SEMA5A: variants seen among roughly 807,000 people sequenced by gnomAD.
SEMA5A encodes the protein semaphorin 5A, also known as semaphorin-5A.
In SEMA5A, 55 loss-of-function variants were observed where a neutral mutation model predicts 135.5. That is an observed-to-expected ratio of 0.41 (90% confidence interval 0.33 to 0.51). The LOEUF is 0.51. Among genes scored for constraint, SEMA5A ranks in the 20% least tolerant of loss-of-function variants. The pLI is 0.37. For synonymous variants in SEMA5A, 580 were observed against 546.5 expected (o/e 1.06, Z -0.85); for missense variants, 1,290 against 1,419.9 (o/e 0.91, Z 1.47).
Position 9,337,707 on chromosome 5 carries a change from T to A in SEMA5A, c.224+6A>T. The A allele has an allele frequency of 6.3e-7, 1 of 1,597,798 alleles. No individual in the cohort carries two copies. The highest frequency in any genetic ancestry group is 1.1e-5 in the South Asian group (1 of 89,868). On this transcript the variant is annotated splice_donor_region_variant and intron_variant, in intron 4 of 22. Transcript: ENST00000382496. ...ATCTGTGGTGGCAAAATACAATATCTCTCACCTTGCTCCTACAACAAGTTC... is the reference window on the plus strand; with the variant it reads ...ATCTGTGGTGGCAAAATACAATATCACTCACCTTGCTCCTACAACAAGTTC...
chr5:9,081,611 T>C (rs1738389337), intron 16 of SEMA5A, among the ~76,000 whole-genome samples: 3 of 152,178 alleles, frequency 2.0e-5, no homozygotes, highest in Admixed American at 6.5e-5. Context: ...TAATGGTACA[T>C]AGGCAATTTG....
intron 5 of SEMA5A, among the ~76,000 whole-genome samples, chr5:9,250,200 G>T (rs1024191473): frequency 1.8e-4 from 28 of 152,122 alleles, no homozygotes; most frequent in African/African-American, 6.5e-4. Flanking sequence ...AATTAGCAGG[G>T]ACAATAGGGA....
chr5:9,043,266 G>A (rs902054883), intron 22 of SEMA5A: 17 of 354,998 alleles, frequency 4.8e-5, no homozygotes, highest in Non-Finnish European at 6.6e-5. Context: ...AAGTTACCAC[G>A]AGAAGCAGGA....
chr5:9,352,278 A>G (rs1180695139), intron 3 of SEMA5A, among the ~76,000 whole-genome samples: 5 of 152,040 alleles, frequency 3.3e-5, no homozygotes, highest in Admixed American at 1.3e-4. Flanking sequence ...AGGCCACCAG[A>G]CACTACCAAT....
intron 5 of SEMA5A, among the ~76,000 whole-genome samples, chr5:9,244,738 G>A (rs962111022): frequency 1.3e-5 from 2 of 152,166 alleles, no homozygotes; most frequent in African/African-American, 2.4e-5. Flanking sequence ...CTTGGAAGTC[G>A]CTCAGGTGTC....
intron 2 of SEMA5A, among the ~76,000 whole-genome samples, chr5:9,400,568 G>A (rs1235015659): frequency 3.9e-5 from 2 of 51,458 alleles, no homozygotes; most frequent in Non-Finnish European, 7.5e-5. Flanking sequence ...GTGCAGTGGC[G>A]GGATCTCGGC....
rs78924742 is a variant in SEMA5A, at chr5:9,147,588, G to A, written c.1481+6900C>T. Reference sequence around the variant, plus strand: ...TCCTGCCCAATGTCTTTTTCTTAATGGTCCATCTTTCCCTCTAGTCTTATA... The same window carrying A: ...TCCTGCCCAATGTCTTTTTCTTAATAGTCCATCTTTCCCTCTAGTCTTATA... On this transcript the variant is annotated intron_variant, in intron 12 of 22. Coordinates refer to ENST00000382496, the MANE Select transcript of SEMA5A (RefSeq NM_003966.3). 4.6e-4 allele frequency among the ~76,000 whole-genome samples: 70 copies of A among 152,100 alleles called. No individual in the cohort carries two copies. The East Asian group carries it at 0.013, about 28-fold the overall frequency.
intron 16 of SEMA5A, among the ~76,000 whole-genome samples, chr5:9,087,002 G>A (rs1008296913): frequency 6.6e-6 from 1 of 151,926 alleles, no homozygotes; most frequent in African/African-American, 2.4e-5. Context: ...CTTTCTCTGT[G>A]CCCACTTCTG....
intron 2 of SEMA5A, among the ~76,000 whole-genome samples, chr5:9,399,905 G>A (rs960171897): frequency 1.3e-5 from 2 of 152,054 alleles, no homozygotes; most frequent in African/African-American, 4.8e-5. Context: ...TGACATAGAT[G>A]GTGAAGGGGG....
chr5:9,387,709 A>T (rs2126515657), intron 2 of SEMA5A, among the ~76,000 whole-genome samples: 1 of 152,366 alleles, frequency 6.6e-6, no homozygotes, highest in South Asian at 2.1e-4. Flanking sequence ...TAAATGAAGA[A>T]TCAATAAAAC....
intron 9 of SEMA5A, among the ~76,000 whole-genome samples, chr5:9,200,726 A>C (rs967139349): frequency 6.6e-6 from 1 of 152,226 alleles, no homozygotes; most frequent in Non-Finnish European, 1.5e-5. Context: ...AAATACTAAC[A>C]CAAGTTAAGC....
intron 8 of SEMA5A, among the ~76,000 whole-genome samples, chr5:9,209,741 G>A (rs1746241243): frequency 6.6e-6 from 1 of 152,126 alleles, no homozygotes; most frequent in Non-Finnish European, 1.5e-5. Flanking sequence ...CCCAATATGT[G>A]GCAGTGAGTG....
rs59096330 is a variant in SEMA5A at position 9,310,802 on chromosome 5, C to CATAT, written c.270+7566_270+7569dup. Among the ~76,000 whole-genome samples the CATAT allele has an allele frequency of 7.2e-3, 1,056 of 146,032 alleles. 20 individuals are homozygous for CATAT. The highest frequency in any genetic ancestry group is 0.059 in the East Asian group (298 of 5,016). ...TAAAGATTCATAGTTTGCATATATACATATATATATATATGAACACACATA... is the reference window on the plus strand; with the variant it reads ...TAAAGATTCATAGTTTGCATATATACATATATATATATATATATGAACACACATA... On this transcript the variant is annotated intron_variant, in intron 5 of 22. Coordinates refer to ENST00000382496, the MANE Select transcript of SEMA5A (RefSeq NM_003966.3).
At chr5:9,439,262 T>G (rs1231452438) in intron 1 of SEMA5A, among the ~76,000 whole-genome samples, 1 of 152,220 alleles carries the variant, frequency 6.6e-6, no homozygotes, top group Admixed American at 6.5e-5. Context: ...GGCCAATTTC[T>G]TTTACACAAC....
At chr5:9,089,486 T>C (rs1310302158) in intron 16 of SEMA5A, among the ~76,000 whole-genome samples, 1 of 151,920 alleles carries the variant, frequency 6.6e-6, no homozygotes, top group Non-Finnish European at 1.5e-5. Flanking sequence ...CACCAAAGAC[T>C]GCAATGGGTG....
At chr5:9,227,984 G>A (rs1044468272) in intron 6 of SEMA5A, among the ~76,000 whole-genome samples, 5 of 152,228 alleles carry the variant, frequency 3.3e-5, no homozygotes, top group African/African-American at 1.2e-4. Flanking sequence ...GTTGCAAAGT[G>A]TTCTTAGAAA....
At chr5:9,287,843 T>C (rs538165962) in intron 5 of SEMA5A, among the ~76,000 whole-genome samples, 2 of 152,224 alleles carry the variant, frequency 1.3e-5, no homozygotes, top group South Asian at 4.2e-4. Context: ...TAGCCAATTA[T>C]GGCAAAGTAA....
At chr5:9,067,300 T>C (rs1418922920) in intron 16 of SEMA5A, among the ~76,000 whole-genome samples, 3 of 152,142 alleles carry the variant, frequency 2.0e-5, no homozygotes, top group African/African-American at 7.2e-5. Flanking sequence ...GCAGTGGCTT[T>C]GGAGGTCTGG....
intron 5 of SEMA5A, among the ~76,000 whole-genome samples, chr5:9,296,847 A>G (rs1293348707): frequency 6.7e-6 from 1 of 150,082 alleles, no homozygotes; most frequent in East Asian, 2.0e-4. Flanking sequence ...GGGTAAGGGG[A>G]AGGAGAAACA....
Sources: gnomAD v4.1 joint callset for allele counts (sites outside exome capture counted in the v4.1 genomes callset) on GRCh38, gnomAD v4.1.1 for gene constraint, MANE v1.5 for transcripts, NCBI Gene and HGNC (gene_info 2026-07-23, HGNC 2026-07-21) for gene names.